The following PBX1 variants were observed in gnomAD, a reference collection of about 807,000 sequenced individuals.
PBX1 encodes PBX homeobox 1.
A neutral mutation model predicts 53.4 loss-of-function variants in PBX1; 6 were observed. The observed-to-expected ratio is 0.11, with a 90% confidence interval of 0.06 to 0.22. The LOEUF is 0.22. Among genes scored for constraint, PBX1 ranks in the 10% least tolerant of loss-of-function variants. PBX1 has a pLI of 1.00. For synonymous variants in PBX1, 204 were observed against 212.3 expected (o/e 0.96, Z 0.34); for missense variants, 251 against 551.4 (o/e 0.46, Z 5.46).
At chr1:164,762,532 A>C (rs1666864149) in intron 2 of PBX1, among the ~76,000 whole-genome samples, 1 of 152,196 alleles carries the variant, frequency 6.6e-6, no homozygotes, top group Admixed American at 6.5e-5. Flanking sequence ...ATGATAACCC[A>C]CCTTCTGGAA....
intron 2 of PBX1, among the ~76,000 whole-genome samples, chr1:164,710,472 C>T (rs1428180204): frequency 2.6e-5 from 4 of 151,958 alleles, no homozygotes; most frequent in Non-Finnish European, 5.9e-5. Flanking sequence ...AGTGCAATGG[C>T]GTCATCTCGG....
At chr1:164,709,381 G>A (rs1048962839) in intron 2 of PBX1, among the ~76,000 whole-genome samples, 5 of 152,076 alleles carry the variant, frequency 3.3e-5, no homozygotes, top group Non-Finnish European at 2.9e-5. Context: ...TGGGTCCATT[G>A]AAACAGAAAG....
chr1:164,628,108 T>C (rs1247701238), intron 2 of PBX1, among the ~76,000 whole-genome samples: 1 of 152,142 alleles, frequency 6.6e-6, no homozygotes, highest in Non-Finnish European at 1.5e-5. Context: ...TGGAGAAGAA[T>C]TATAAGAAAC....
intron 2 of PBX1, among the ~76,000 whole-genome samples, chr1:164,609,991 C>T (rs1431603778): frequency 6.6e-6 from 1 of 152,146 alleles, no homozygotes; most frequent in African/African-American, 2.4e-5. Flanking sequence ...AGTCACAGAA[C>T]CCCCAAGACC....
chr1:164,851,972 A>C (rs906041072), downstream of PBX1: 1 of 153,354 alleles, frequency 6.5e-6, no homozygotes, highest in Non-Finnish European at 1.5e-5. Context: ...TGGGGCAGAG[A>C]CCTTATGGAC....
intron 2 of PBX1, among the ~76,000 whole-genome samples, chr1:164,743,070 A>C (rs1429373642): frequency 6.6e-6 from 1 of 152,228 alleles, no homozygotes; most frequent in East Asian, 1.9e-4. Flanking sequence ...AGGGCCAGAA[A>C]CAGTGATGGG....
chr1:164,740,828 A>G (rs981898460), intron 2 of PBX1, among the ~76,000 whole-genome samples: 3 of 152,188 alleles, frequency 2.0e-5, no homozygotes, highest in African/African-American at 7.2e-5. Flanking sequence ...TATTTTGCTT[A>G]ATTCTATGGG....
chr1:164,837,429 T>G (rs369604885), intron 8 of PBX1, among the ~76,000 whole-genome samples: 127 of 152,344 alleles, frequency 8.3e-4, no homozygotes, highest in African/African-American at 3.0e-3. Flanking sequence ...TACTCTTTTC[T>G]AGTGTAAGTA....
chr1:164,849,332 A>G lies in PBX1; in HGVS notation c.*2656A>G. On this transcript the variant is annotated 3_prime_UTR_variant, in exon 9 of 9. Coordinates refer to ENST00000420696, the MANE Select transcript of PBX1 (RefSeq NM_002585.4). Reference sequence around the variant, plus strand: ...ACCAGCATTTCACTTAGTCTTCTCTATACCCAGCACCTCCCCCGGCACCCC... The same window carrying G: ...ACCAGCATTTCACTTAGTCTTCTCTGTACCCAGCACCTCCCCCGGCACCCC... 8 of 1,535,640 alleles carry G rather than the reference A, an allele frequency of 5.2e-6. No individual in the cohort carries two copies. The highest frequency in any genetic ancestry group is 6.1e-6 in the Non-Finnish European group (7 of 1,146,768).
intron 4 of PBX1, among the ~76,000 whole-genome samples, chr1:164,801,229 AC>A (rs1669053738): frequency 6.6e-6 from 1 of 151,966 alleles, no homozygotes; most frequent in Non-Finnish European, 1.5e-5. Flanking sequence ...AGGCAAAATC[AC>A]CCTAAAGCAG....
intron 2 of PBX1, among the ~76,000 whole-genome samples, chr1:164,634,784 A>G (rs1039936075): frequency 2.0e-5 from 3 of 152,134 alleles, no homozygotes; most frequent in African/African-American, 7.2e-5. Context: ...GGGAGAAATG[A>G]TTACTCTCAG....
chr1:164,595,842 C>T (rs760159954), intron 2 of PBX1, among the ~76,000 whole-genome samples: 36 of 152,050 alleles, frequency 2.4e-4, no homozygotes, highest in Non-Finnish European at 1.3e-4. Flanking sequence ...AAAGAGACAC[C>T]CAGCCTGGGC....
intron 2 of PBX1, among the ~76,000 whole-genome samples, chr1:164,696,626 A>G (rs1662812664): frequency 1.3e-5 from 2 of 152,202 alleles, no homozygotes; most frequent in South Asian, 4.1e-4. Flanking sequence ...ATTAATTAAT[A>G]GGAATAAGGA....
At chr1:164,691,579 TGA>T (rs1662491325) in intron 2 of PBX1, among the ~76,000 whole-genome samples, 1 of 152,194 alleles carries the variant, frequency 6.6e-6, no homozygotes. Flanking sequence ...CACCTGAGGC[TGA>T]AGCGTCTTCT....
chr1:164,814,423 A>G (rs942129918), intron 6 of PBX1: 2 of 152,180 alleles, frequency 1.3e-5, no homozygotes, highest in African/African-American at 4.8e-5. Context: ...TTTACAAAAT[A>G]TAAGTACTCA....
chr1:164,831,172 T>C (rs1670734793), intron 8 of PBX1, among the ~76,000 whole-genome samples: 1 of 152,212 alleles, frequency 6.6e-6, no homozygotes, highest in Non-Finnish European at 1.5e-5. Context: ...GTCACCCTTT[T>C]ATCCTTCTGT....
chr1:164,858,280 C>A (rs1672019246), intron 2 of PBX1, among the ~76,000 whole-genome samples: 1 of 152,074 alleles, frequency 6.6e-6, no homozygotes. Flanking sequence ...ACAAAGAGTC[C>A]AAGTATGTGC....
intron 2 of PBX1, among the ~76,000 whole-genome samples, chr1:164,724,801 C>G (rs373175861): frequency 2.1e-5 from 3 of 145,624 alleles, no homozygotes; most frequent in African/African-American, 7.6e-5. Flanking sequence ...AACCACTCTT[C>G]CTTTCTTGTA....
chr1:164,787,673 A>G (rs993176596), intron 2 of PBX1: 2 of 152,252 alleles, frequency 1.3e-5, no homozygotes, highest in Admixed American at 1.3e-4. Context: ...TGGTGAGAGC[A>G]GCTCCCACAA....
Sources: allele counts gnomAD v4.1 joint callset (sites outside exome capture counted in the v4.1 genomes callset), GRCh38; gene constraint gnomAD v4.1.1; transcripts MANE v1.5; gene names NCBI Gene and HGNC (gene_info 2026-07-23, HGNC 2026-07-21).